SNTG1: variants seen among roughly 807,000 people sequenced by gnomAD.
The protein encoded by SNTG1 is gamma-1-syntrophin.
Under a neutral mutation model 74.7 loss-of-function variants are expected in SNTG1, and 39 were observed. The observed-to-expected ratio is 0.52, with a 90% CI of 0.40 to 0.68. The LOEUF is 0.68. Ranked by LOEUF, SNTG1 falls within the 30% of genes least tolerant of loss-of-function variation. The pLI, the probability that SNTG1 is intolerant of heterozygous loss-of-function variation, is 0.00. For synonymous variants in SNTG1, 254 were observed against 217.1 expected (o/e 1.17, Z -1.49); for missense variants, 685 against 609.5 (o/e 1.12, Z -1.30).
intron 1 of SNTG1, among the ~76,000 whole-genome samples, chr8:50,064,643 C>A (rs1435479065): frequency 6.6e-6 from 1 of 152,204 alleles, no homozygotes; most frequent in Non-Finnish European, 1.5e-5. Context: ...CACCTCCAAC[C>A]TCATTTCTCC....
At chr8:50,332,167 C>T (rs756769585) in intron 2 of SNTG1, among the ~76,000 whole-genome samples, 61 of 152,188 alleles carry the variant, frequency 4.0e-4, no homozygotes, top group Non-Finnish European at 1.6e-4. Context: ...ATGTTCTGAT[C>T]TTTCCATCTA....
chr8:50,512,041 C>T (rs1380451180), intron 9 of SNTG1, among the ~76,000 whole-genome samples: 1 of 152,110 alleles, frequency 6.6e-6, no homozygotes, highest in South Asian at 2.1e-4. Flanking sequence ...CATGTTTTTG[C>T]AGTGGCTGGT....
At chr8:50,303,416 T>C (rs757648987) in intron 2 of SNTG1, among the ~76,000 whole-genome samples, 20 of 152,014 alleles carry the variant, frequency 1.3e-4, no homozygotes, top group Non-Finnish European at 2.9e-4. Flanking sequence ...GTAATAAATA[T>C]ATTTTATGAC....
At chr8:50,572,275 T>TAGAGAGAGAGAG (rs71235308) in intron 12 of SNTG1, among the ~76,000 whole-genome samples, 1 of 148,310 alleles carries the variant, frequency 6.7e-6, no homozygotes. Context: ...TATATATATA[T>TAGAGAGAGAGAG]AGAGAGAGAG....
intron 2 of SNTG1, among the ~76,000 whole-genome samples, chr8:50,258,915 T>A (rs2087015264): frequency 6.6e-6 from 1 of 152,074 alleles, no homozygotes; most frequent in Admixed American, 6.6e-5. Flanking sequence ...ATGCTCTAAA[T>A]CTGATTAAAA....
intron 13 of SNTG1, among the ~76,000 whole-genome samples, chr8:50,635,609 G>T (rs919912633): frequency 1.3e-5 from 2 of 152,130 alleles, no homozygotes; most frequent in African/African-American, 4.8e-5. Flanking sequence ...GGCAATTGCC[G>T]ATGTTCACTT....
intron 13 of SNTG1, among the ~76,000 whole-genome samples, chr8:50,653,091 T>G (rs1479156641): frequency 6.6e-6 from 1 of 151,956 alleles, no homozygotes; most frequent in East Asian, 1.9e-4. Context: ...ATATAGGGTT[T>G]TTCTTTTGCT....
At chr8:50,506,595 C>T (rs1010910666) in intron 9 of SNTG1, among the ~76,000 whole-genome samples, 2 of 151,994 alleles carry the variant, frequency 1.3e-5, no homozygotes, top group East Asian at 1.9e-4. Context: ...CTTTTTGATG[C>T]TATTATCAAT....
intron 2 of SNTG1, among the ~76,000 whole-genome samples, chr8:50,382,688 C>T (rs948914732): frequency 1.3e-5 from 2 of 151,984 alleles, no homozygotes; most frequent in African/African-American, 4.8e-5. Context: ...ATTATTATCA[C>T]AAAATATTAC....
chr8:50,645,983 T>C (rs1266904873), intron 13 of SNTG1, among the ~76,000 whole-genome samples: 1 of 152,140 alleles, frequency 6.6e-6, no homozygotes, highest in Non-Finnish European at 1.5e-5. Flanking sequence ...CTTGGTAACA[T>C]TGCAGCACTT....
rs191465616 is a variant in SNTG1 at position 50,599,119 on chromosome 8, T to G, written c.849+8202T>G. Reference sequence around the variant, plus strand: ...TCCCAGCACCATTGATTGAAGAGACTGTCATTTCCGCCAATGTATATTCTT... The same window carrying G: ...TCCCAGCACCATTGATTGAAGAGACGGTCATTTCCGCCAATGTATATTCTT... On this transcript the variant is annotated intron_variant, in intron 13 of 18. Coordinates refer to ENST00000642720, the MANE Select transcript of SNTG1 (RefSeq NM_018967.5). Among the ~76,000 whole-genome samples, 395 of 152,142 alleles carry G rather than the reference T, an allele frequency of 2.6e-3. 6 individuals carry two copies. Among genetic ancestry groups the G allele is most frequent in the Non-Finnish European group, 6.8e-4 (46 of 67,896 alleles).
Position 50,536,702 on chromosome 8 carries a change from C to A in SNTG1, c.574C>A (p.Pro192Thr), listed in dbSNP as rs919958411. ...NTDTLSCSSW[P>T]TSPGLRWEKR... ...GGACACATTATCATGCTCGTCGTGG[C>A]CGACGTCTCCAGGCTTGAGGTGGGA... is the stretch of plus-strand genomic sequence containing the variant. The change falls in exon 11 of 19, where the codon CCG becomes ACG. Residue 192 changes from proline to threonine, a missense_variant. Coordinates refer to ENST00000642720, the MANE Select transcript of SNTG1 (RefSeq NM_018967.5). 2 of 1,613,830 alleles carry A rather than the reference C, an allele frequency of 1.2e-6. No homozygotes were observed. Among genetic ancestry groups the A allele is most frequent in the South Asian group, 2.2e-5 (2 of 91,050 alleles).
rs1585627437 is a variant in SNTG1, at chr8:50,717,032, A to C, written c.1284+8054A>C. ...ATTACAGGCGTGAGCCACCGCGCCC[A>C]GCTCTTACTCATTTCTTGATATACA... is the stretch of plus-strand genomic sequence containing the variant. On this transcript the variant is annotated intron_variant, in intron 17 of 18. Coordinates refer to ENST00000642720, the MANE Select transcript of SNTG1 (RefSeq NM_018967.5). 3.3e-5 allele frequency among the ~76,000 whole-genome samples: 5 copies of C among 152,230 alleles called. 1 individual carries two copies. In the South Asian group the frequency reaches 1.0e-3, roughly 32 times the overall value.
chr8:50,772,645 G>T (rs1273418630), intron 18 of SNTG1, among the ~76,000 whole-genome samples: 1 of 152,074 alleles, frequency 6.6e-6, no homozygotes, highest in African/African-American at 2.4e-5. Flanking sequence ...TTTTATGGGG[G>T]CAGAGGTGAA....
chr8:50,547,022 ATCCACCTGCTTAGGT>A (rs2130538465), intron 11 of SNTG1, among the ~76,000 whole-genome samples: 1 of 152,228 alleles, frequency 6.6e-6, no homozygotes, highest in South Asian at 2.1e-4. Flanking sequence ...ATCTCAAGTG[ATCCACCTGCTTAGGT>A]ATCCCAAAGT....
At chr8:50,178,407 G>GCA (rs1277982174) in intron 2 of SNTG1, among the ~76,000 whole-genome samples, 68 of 148,922 alleles carry the variant, frequency 4.6e-4, no homozygotes, top group African/African-American at 1.6e-3. Flanking sequence ...ACACGTGCGC[G>GCA]CGCACACACA....
chr8:50,610,686 C>T (rs371294652), intron 13 of SNTG1, among the ~76,000 whole-genome samples: 38 of 152,254 alleles, frequency 2.5e-4, no homozygotes, highest in African/African-American at 8.4e-4. Flanking sequence ...TGTTGGGTTT[C>T]GTGTCATGTT....
At chr8:50,643,585 C>T (rs1293058642) in intron 13 of SNTG1, among the ~76,000 whole-genome samples, 1 of 152,198 alleles carries the variant, frequency 6.6e-6, no homozygotes, top group Non-Finnish European at 1.5e-5. Context: ...TAACAGAGAA[C>T]TCGTGGTATG....
intron 1 of SNTG1, among the ~76,000 whole-genome samples, chr8:50,111,161 G>C (rs2080571311): frequency 6.6e-6 from 1 of 151,876 alleles, no homozygotes; most frequent in African/African-American, 2.4e-5. Flanking sequence ...TGTTGTCATC[G>C]CCTTACTCTC....
Sources: gnomAD v4.1 joint callset for allele counts (sites outside exome capture counted in the v4.1 genomes callset) on GRCh38, gnomAD v4.1.1 for gene constraint, MANE v1.5 for transcripts, NCBI Gene and HGNC (gene_info 2026-07-23, HGNC 2026-07-21) for gene names.